Variants in APPBP2 observed in about 807,000 individuals in gnomAD.
The protein encoded by APPBP2 is amyloid protein-binding protein 2.
In APPBP2, 15 loss-of-function variants were observed where a neutral mutation model predicts 76.0. The observed-to-expected ratio is 0.20, with a 90% confidence interval of 0.13 to 0.30. APPBP2 has a LOEUF of 0.30. Ranked by LOEUF, APPBP2 falls within the 10% of genes least tolerant of loss-of-function variation. The probability of loss-of-function intolerance (pLI) is 1.00; values close to 1 mark genes in which losing one functional copy is unlikely to be tolerated. For synonymous variants in APPBP2, 222 were observed against 242.2 expected, an observed-to-expected ratio of 0.92 and a Z score of 0.77; for missense variants, 401 against 687.2, an observed-to-expected ratio of 0.58 and a Z score of 4.66.
In APPBP2 at chr17:60,444,788, C is replaced by T. The variant is rs2090332230; in HGVS notation, c.*2793G>A. 6.6e-6 allele frequency: 1 copy of T among 152,416 alleles called. No homozygotes were observed. The highest frequency in any genetic ancestry group is 2.4e-5 in the African/African-American group (1 of 41,370). The allele number at this position is 152,416 out of a possible 1,614,324, so 9.4% of individuals were successfully genotyped here. A position where few individuals can be genotyped will look rare whatever the true frequency, so the allele number is the denominator to read the frequency against. On this transcript the variant is annotated 3_prime_UTR_variant, in exon 13 of 13. Coordinates refer to ENST00000083182, the MANE Select transcript of APPBP2 (RefSeq NM_006380.5). ...GTGCTGACGGAGCTCCCTGATGCAC[C>T]CAACTGGAGTAGCACCGAACTTTAG...
intron 4 of APPBP2, among the ~76,000 whole-genome samples, chr17:60,467,930 G>A (rs2090523922): frequency 6.6e-6 from 1 of 152,186 alleles, no homozygotes; most frequent in East Asian, 1.9e-4. Context: ...ATTATGTAAA[G>A]AGAAATGAGA....
At chr17:60,486,191 GT>G (rs1392451825) in intron 3 of APPBP2, among the ~76,000 whole-genome samples, 4 of 152,200 alleles carry the variant, frequency 2.6e-5, no homozygotes, top group Non-Finnish European at 5.9e-5. Context: ...GGGGTGGAGA[GT>G]TCTGTAGATG....
chr17:60,513,881 T>C (rs2090940984), intron 1 of APPBP2, among the ~76,000 whole-genome samples: 2 of 150,696 alleles, frequency 1.3e-5, no homozygotes, highest in African/African-American at 2.4e-5. Context: ...AGAGCATATA[T>C]GTACAAAGTA....
chr17:60,506,276 G>A (rs1020066154), intron 1 of APPBP2, among the ~76,000 whole-genome samples: 1 of 152,192 alleles, frequency 6.6e-6, no homozygotes, highest in Non-Finnish European at 1.5e-5. Context: ...TTACCGGCCT[G>A]AGCCACTGCC....
intron 1 of APPBP2, among the ~76,000 whole-genome samples, chr17:60,516,182 A>AC (rs2090961851): frequency 6.6e-6 from 1 of 152,058 alleles, no homozygotes; most frequent in African/African-American, 2.4e-5. Context: ...AAACAAAAAA[A>AC]AAACAAACAA....
chr17:60,497,455 A>G (rs2090785722), intron 2 of APPBP2, among the ~76,000 whole-genome samples: 1 of 152,212 alleles, frequency 6.6e-6, no homozygotes, highest in Admixed American at 6.5e-5. Context: ...ATTATAGTAA[A>G]AAATAATTTA....
rs1464354117 is a variant in APPBP2 at position 60,447,599 on chromosome 17, G to A, written c.1740C>T (p.Val580=). 9 of 1,613,074 alleles carry A rather than the reference G, an allele frequency of 5.6e-6. No homozygotes were observed. The highest frequency in any genetic ancestry group is 3.3e-5 in the Admixed American group (2 of 59,870). ...VVQSFLISQN[V]EGPSC is the part of the protein sequence containing the mutation. Reference sequence around the variant, plus strand: ...TCCTCCCTCAGCAGCTCGGTCCCTCGACATTCTGAGAAATCAGGAAGGACT... The same window carrying A: ...TCCTCCCTCAGCAGCTCGGTCCCTCAACATTCTGAGAAATCAGGAAGGACT... The change falls in exon 13 of 13, where the codon GTC becomes GTT. Residue 580 remains valine (V), a synonymous_variant. Coordinates refer to ENST00000083182, the MANE Select transcript of APPBP2 (RefSeq NM_006380.5).
intron 1 of APPBP2, among the ~76,000 whole-genome samples, chr17:60,504,089 A>G (rs1167382804): frequency 6.6e-6 from 1 of 152,190 alleles, no homozygotes; most frequent in African/African-American, 2.4e-5. Flanking sequence ...AAGAGAGGAA[A>G]CTGATACTTT....
intron 1 of APPBP2, among the ~76,000 whole-genome samples, chr17:60,516,352 T>A (rs1408134017): frequency 2.0e-5 from 3 of 152,188 alleles, no homozygotes; most frequent in African/African-American, 7.2e-5. Context: ...TCTTAAGTTG[T>A]TAGGACATAA....
chr17:60,522,580 C>T (rs547129306), intron 1 of APPBP2, among the ~76,000 whole-genome samples: 1 of 152,282 alleles, frequency 6.6e-6, no homozygotes, highest in South Asian at 2.1e-4. Context: ...TTCAGCTTCC[C>T]AAAGTGTTGG....
At chr17:60,490,383 T>C (rs1448734897) in intron 3 of APPBP2, among the ~76,000 whole-genome samples, 2 of 152,182 alleles carry the variant, frequency 1.3e-5, no homozygotes, top group African/African-American at 2.4e-5. Context: ...CAAAAAAAGT[T>C]TGTTTAATAG....
chr17:60,505,143 C>T (rs767660921), intron 1 of APPBP2, among the ~76,000 whole-genome samples: 11 of 152,124 alleles, frequency 7.2e-5, no homozygotes, highest in Non-Finnish European at 1.6e-4. Context: ...AAATATTTCA[C>T]CTAGATTACT....
intron 9 of APPBP2, 22 bp from the exon 10 acceptor site, chr17:60,456,403 T>G (rs535303019): frequency 1.4e-6 from 2 of 1,427,278 alleles, no homozygotes; most frequent in Admixed American, 3.5e-5. Flanking sequence ...ATAGATACAG[T>G]CTGGCATTTC....
chr17:60,483,846 G>A (rs1023925294), intron 3 of APPBP2, among the ~76,000 whole-genome samples: 3 of 152,042 alleles, frequency 2.0e-5, no homozygotes, highest in Non-Finnish European at 2.9e-5. Context: ...TTTCTTCTAC[G>A]GTTTTTATGG....
intron 1 of APPBP2, among the ~76,000 whole-genome samples, chr17:60,514,470 T>C (rs2090946428): frequency 2.6e-5 from 4 of 152,098 alleles, no homozygotes; most frequent in Admixed American, 2.6e-4. Context: ...AACACACACA[T>C]AAGATGATTC....
chr17:60,454,155 G>C, intron 11 of APPBP2, 147 bp downstream of exon 11: 1 of 530,558 alleles, frequency 1.9e-6, no homozygotes, highest in Non-Finnish European at 3.0e-6. Flanking sequence ...GAGCCACTGT[G>C]CTTGGCCTAT....
chr17:60,485,935 T>C (rs954696957), intron 3 of APPBP2, among the ~76,000 whole-genome samples: 9 of 152,202 alleles, frequency 5.9e-5, no homozygotes, highest in Non-Finnish European at 1.5e-5. Context: ...CATCTTTATT[T>C]CTGCCTTCAT....
chr17:60,447,421 A>G lies in APPBP2; in HGVS notation c.*160T>C. Reference sequence around the variant, plus strand: ...TAACTGAATATATGCTTATTCCTACAGACATTCTGCAAGATAGGGATCACC... The same window carrying G: ...TAACTGAATATATGCTTATTCCTACGGACATTCTGCAAGATAGGGATCACC... On this transcript the variant is annotated 3_prime_UTR_variant, in exon 13 of 13. Coordinates refer to ENST00000083182, the MANE Select transcript of APPBP2 (RefSeq NM_006380.5). 1.4e-6 allele frequency: 1 copy of G among 714,302 alleles called. No individual in the cohort carries two copies. The highest frequency in any genetic ancestry group is 2.2e-6 in the Non-Finnish European group (1 of 445,450). 44.2% of individuals were successfully genotyped at this position (714,302 alleles called of 1,614,324 possible).
Position 60,494,375 on chromosome 17 carries a change from A to AG in APPBP2, c.379+90_379+91insC. The AG allele has an allele frequency of 2.1e-6, 3 of 1,434,810 alleles. No homozygotes were observed. The South Asian group carries it at 3.7e-5, about 18-fold the overall frequency. 88.9% of individuals were successfully genotyped at this position (1,434,810 alleles called of 1,614,324 possible). A position where few individuals can be genotyped will look rare whatever the true frequency, so the allele number is the denominator to read the frequency against. On this transcript the variant is annotated intron_variant, in intron 3 of 12. Coordinates refer to ENST00000083182, the MANE Select transcript of APPBP2 (RefSeq NM_006380.5). The stretch of plus-strand genomic sequence containing the variant: ...TTCTTCTCATAACCTTCTTACGTAG[A>AG]CTTTGGGAAAGCCCTGGAAGAATTC...
Sources: gnomAD v4.1 joint callset for allele counts (sites outside exome capture counted in the v4.1 genomes callset) on GRCh38, gnomAD v4.1.1 for gene constraint, MANE v1.5 for transcripts, NCBI Gene and HGNC (gene_info 2026-07-23, HGNC 2026-07-21) for gene names.